Variants in MYCBP2 observed in about 807,000 individuals in gnomAD.
The protein encoded by MYCBP2 is E3 ubiquitin-protein ligase MYCBP2.
MYCBP2 carries 120 observed loss-of-function variants against 525.3 expected under a neutral mutation model. The ratio of observed to expected loss-of-function variants is 0.23; its 90% CI spans 0.20 to 0.27. The LOEUF (loss-of-function observed/expected upper bound fraction) is 0.27, where lower values mean the gene tolerates loss of function less well. MYCBP2 is among the 10% of genes least tolerant of loss of function. MYCBP2 has a pLI of 1.00. For synonymous variants in MYCBP2, 1,894 were observed against 1,955.8 expected, an observed-to-expected ratio of 0.97 and a Z score of 0.83; for missense variants, 4,149 against 5,657.1, an observed-to-expected ratio of 0.73 and a Z score of 8.55.
chr13:77,176,433 C>G, intron 36 of MYCBP2, 64 bp downstream of exon 36: 1 of 1,385,226 alleles, frequency 7.2e-7, no homozygotes, highest in Non-Finnish European at 9.6e-7. Context: ...ATGGAATACT[C>G]TTCACTATTT....
intron 44 of MYCBP2, 89 bp downstream of exon 44, chr13:77,161,817 C>A (rs1416703163): frequency 2.1e-6 from 2 of 954,148 alleles, no homozygotes. Context: ...ATGAATGAAC[C>A]CAATGGTCAA....
At chr13:77,050,254 G>A (rs73239432) in intron 82 of MYCBP2, among the ~76,000 whole-genome samples, 5,233 of 152,214 alleles carry the variant, frequency 0.034, 117 homozygotes, top group Middle Eastern at 0.086. Flanking sequence ...CACTCTGATA[G>A]GCAGCAGATG....
chr13:77,211,500 C>T (rs993775447), intron 22 of MYCBP2, among the ~76,000 whole-genome samples, 180 bp from the exon 23 acceptor site: 1 of 151,996 alleles, frequency 6.6e-6, no homozygotes, highest in African/African-American at 2.4e-5. Flanking sequence ...TGTCTAAATC[C>T]ACAACACATG....
At chr13:77,180,106 T>C (rs752311219) in intron 34 of MYCBP2, 21 bp downstream of exon 34, 37 of 1,570,700 alleles carry the variant, frequency 2.4e-5, no homozygotes, top group Non-Finnish European at 3.1e-5. Context: ...TTTTATCCAG[T>C]GTCAAAATAT....
At chr13:77,287,178 C>T (rs1457351096) in intron 3 of MYCBP2, among the ~76,000 whole-genome samples, 1 of 140,210 alleles carries the variant, frequency 7.1e-6, no homozygotes, top group Non-Finnish European at 1.5e-5. Context: ...TGAGCCATTA[C>T]GCCCAGCCAG....
chr13:77,303,755 C>T (rs145840125), intron 1 of MYCBP2, among the ~76,000 whole-genome samples: 57 of 137,840 alleles, frequency 4.1e-4, no homozygotes, highest in African/African-American at 1.3e-3. Flanking sequence ...TTTGCATACA[C>T]ATAAATGCAT....
intron 51 of MYCBP2, 48 bp from the exon 52 acceptor site, chr13:77,139,384 A>T (rs1158047174): frequency 1.3e-6 from 2 of 1,590,298 alleles, no homozygotes; most frequent in East Asian, 4.5e-5. Context: ...TGTAAGTCCT[A>T]TGAGGCTAGC....
chr13:77,277,516 C>A (rs1250275382), intron 4 of MYCBP2, among the ~76,000 whole-genome samples: 1 of 152,052 alleles, frequency 6.6e-6, no homozygotes, highest in Non-Finnish European at 1.5e-5. Flanking sequence ...TCCCCACATG[C>A]GACCAAAAAA....
At chr13:77,204,012 A>C (rs927690177) in intron 26 of MYCBP2, among the ~76,000 whole-genome samples, 1 of 152,020 alleles carries the variant, frequency 6.6e-6, no homozygotes, top group African/African-American at 2.4e-5. Flanking sequence ...TAAAACACCA[A>C]AAGCAATGGC....
chr13:77,326,883 T>A lies in MYCBP2; in HGVS notation c.-108A>T. On this transcript the variant is annotated 5_prime_UTR_variant, in exon 1 of 83. Coordinates refer to ENST00000544440, the MANE Select transcript of MYCBP2 (RefSeq NM_015057.5). This position sits in a 1 kb window ranked among gnomAD's most constrained non-coding sequence, Gnocchi z 4.2. ...AACGACGACGGCTCCGGCGGCGGCC[T>A]CTGGCTCCCGCAGCAGGGAGACTAC... 2 of 1,059,504 alleles carry A rather than the reference T, an allele frequency of 1.9e-6. No homozygotes were observed. The highest frequency in any genetic ancestry group is 2.5e-6 in the Non-Finnish European group (2 of 803,028). 65.6% of individuals were successfully genotyped at this position (1,059,504 alleles called of 1,614,324 possible). A position where few individuals can be genotyped will look rare whatever the true frequency, so the allele number is the denominator to read the frequency against.
At chr13:77,260,236 A>G (rs1231915157) in intron 13 of MYCBP2, among the ~76,000 whole-genome samples, 192 bp downstream of exon 13, 1 of 152,238 alleles carries the variant, frequency 6.6e-6, no homozygotes, top group African/African-American at 2.4e-5. Flanking sequence ...GCTTTGCATG[A>G]AACTAGGGAC....
intron 15 of MYCBP2, among the ~76,000 whole-genome samples, chr13:77,249,691 A>G (rs1328562307): frequency 6.6e-6 from 1 of 152,164 alleles, no homozygotes; most frequent in East Asian, 1.9e-4. Context: ...CACTACACCC[A>G]GCTAACACTG....
Position 77,211,991 on chromosome 13 carries a change from G to A in MYCBP2, c.3227C>T (p.Ala1076Val). The change falls in exon 22 of 83, where the codon GCT becomes GTT. Residue 1076 changes from alanine to valine, a missense_variant. By Grantham distance (64) the Ala-to-Val change is moderately conservative. Transcript: ENST00000544440. Reference protein sequence around the residue: ...DEALINSHVLATSEIFASKHI... With the variant: ...DEALINSHVLVTSEIFASKHI... ...TTTACTGGCAAAAATTTCTGATGTAGCAAGTACATGAGAATTAATAAGTGC... is the reference window on the plus strand; with the variant it reads ...TTTACTGGCAAAAATTTCTGATGTAACAAGTACATGAGAATTAATAAGTGC... 4 of 1,613,950 alleles carry A rather than the reference G, an allele frequency of 2.5e-6. No homozygotes were observed. The highest frequency in any genetic ancestry group is 3.4e-6 in the Non-Finnish European group (4 of 1,179,918).
intron 1 of MYCBP2, among the ~76,000 whole-genome samples, chr13:77,315,336 T>C (rs2080803411): frequency 6.6e-6 from 1 of 152,100 alleles, no homozygotes; most frequent in Admixed American, 6.5e-5. Context: ...CCTGACAGGA[T>C]TAGCAAGAAA....
At chr13:77,208,710 A>C (rs962847743) in intron 23 of MYCBP2, among the ~76,000 whole-genome samples, 2 of 152,236 alleles carry the variant, frequency 1.3e-5, no homozygotes, top group Admixed American at 1.3e-4. Flanking sequence ...TCCACAGAGA[A>C]GGCTAGTGGA....
Position 77,270,043 on chromosome 13 carries a change from T to C in MYCBP2, c.1209A>G (p.Thr403=), listed in dbSNP as rs749605593. ...GTVRGHIYNS[T]SRIRNRKEKK... is the part of the protein sequence containing the mutation. ...TTTCTTTTCTGTTTCTAATACGGGA[T>C]GTAGAATTGTATATATGGCCCTGCA... Residue 403 remains threonine, a synonymous_variant, in exon 7 of 83, where the codon ACA becomes ACG. Coordinates refer to ENST00000544440, the MANE Select transcript of MYCBP2 (RefSeq NM_015057.5). 2.5e-6 allele frequency: 4 copies of C among 1,612,126 alleles called. No individual in the cohort carries two copies. Among genetic ancestry groups the C allele is most frequent in the Admixed American group, 3.3e-5 (2 of 59,848 alleles).
At chr13:77,088,176 A>C (rs2044700169) in intron 61 of MYCBP2, among the ~76,000 whole-genome samples, 1 of 152,194 alleles carries the variant, frequency 6.6e-6, no homozygotes, top group Non-Finnish European at 1.5e-5. Context: ...CAGGAAAAAT[A>C]ATTTATAAGA....
chr13:77,050,888 G>C (rs1476485000), intron 82 of MYCBP2, 109 bp downstream of exon 82: 15 of 934,666 alleles, frequency 1.6e-5, no homozygotes, highest in Non-Finnish European at 2.3e-5. Flanking sequence ...GCTTCTTTAG[G>C]CTAGTTTGAA....
At chr13:77,147,430 T>C (rs934924564) in intron 47 of MYCBP2, among the ~76,000 whole-genome samples, 6 of 152,240 alleles carry the variant, frequency 3.9e-5, no homozygotes, top group African/African-American at 1.2e-4. Context: ...TTCTGAATAC[T>C]TCTGTATGCC....
Sources: allele counts gnomAD v4.1 joint callset (sites outside exome capture counted in the v4.1 genomes callset), GRCh38; gene constraint gnomAD v4.1.1; non-coding constraint Gnocchi (gnomAD v3.1); transcripts MANE v1.5; gene names NCBI Gene and HGNC (gene_info 2026-07-23, HGNC 2026-07-21).